The following DNAH1 variants were observed in gnomAD, a reference collection of about 807,000 sequenced individuals.
DNAH1 encodes the protein axonemal beta dynein heavy chain 1.
A neutral mutation model predicts 484.3 loss-of-function variants in DNAH1; 327 were observed. The observed-to-expected ratio is 0.68, with a 90% CI of 0.62 to 0.74. DNAH1 has a LOEUF of 0.74. Ranked by LOEUF, DNAH1 falls within the 30% of genes least tolerant of loss-of-function variation. The pLI, the probability that DNAH1 is intolerant of heterozygous loss-of-function variation, is 0.00. For synonymous variants in DNAH1, 2,192 were observed against 2,191.9 expected, an observed-to-expected ratio of 1.00 and a Z score of 0.00; for missense variants, 5,052 against 5,546.8, an observed-to-expected ratio of 0.91 and a Z score of 2.83.
At chr3:52,344,820 C>T (rs1287316115) in intron 9 of DNAH1, among the ~76,000 whole-genome samples, 173 bp downstream of exon 9, 1 of 152,246 alleles carries the variant, frequency 6.6e-6, no homozygotes, top group African/African-American at 2.4e-5. Context: ...GCCTGGAGGG[C>T]TCTGGACCAG....
At chr3:52,383,362 C>G in intron 50 of DNAH1, 24 bp from the exon 51 acceptor site, 1 of 1,607,692 alleles carries the variant, frequency 6.2e-7, no homozygotes, top group Non-Finnish European at 8.5e-7. Flanking sequence ...GGGCTTAGCT[C>G]CCCACTCCTT....
chr3:52,369,005 AC>A lies in DNAH1; in HGVS notation c.5943+91del. ...CATGCTGGCCAAACTCTGCCCCCTC[AC>A]CCCTTTCTCTCAGGGCCATGGGTCC... On this transcript the variant is annotated intron_variant, in intron 37 of 77. Transcript: ENST00000420323. 2.1e-6 allele frequency: 3 copies of A among 1,462,330 alleles called. No individual in the cohort carries two copies. In the South Asian group the frequency reaches 3.8e-5, roughly 18 times the overall value. 90.6% of individuals were successfully genotyped at this position (1,462,330 alleles called of 1,614,324 possible).
chr3:52,331,102 G>A, intron 6 of DNAH1, 46 bp from the exon 7 acceptor site: 2 of 1,549,520 alleles, frequency 1.3e-6, no homozygotes. Flanking sequence ...GCCCCTTCCT[G>A]CCCCCATGGC....
rs766217099 is a variant in DNAH1 at position 52,370,534 on chromosome 3, T to A, written c.6316T>A (p.Trp2106Arg). ...TCGCATCGTAGAGTTGATCGAGCCC[T>A]GGTTCATCTTCTCCCTGATCTGGAG... is the stretch of plus-strand genomic sequence containing the variant. ...LSRIVELIEP[W>R]FIFSLIWSVG... Residue 2106 changes from tryptophan (W) to arginine (R), a missense_variant, in exon 40 of 78, where the codon TGG becomes AGG. This residue lies in a region of DNAH1 where 2,929 missense variants were observed against 3,409.4 expected (regional missense o/e 0.86). Transcript: ENST00000420323. The A allele has an allele frequency of 6.2e-7, 1 of 1,614,014 alleles. No homozygotes were observed. The highest frequency in any genetic ancestry group is 1.7e-5 in the Admixed American group (1 of 60,022).
chr3:52,359,814 G>A, intron 26 of DNAH1, 102 bp from the exon 27 acceptor site: 3 of 1,480,494 alleles, frequency 2.0e-6, no homozygotes, highest in Non-Finnish European at 2.8e-6. Context: ...GAGACCCCCA[G>A]GATAGAGGGA....
At position 52,399,166 on chromosome 3, in the gene DNAH1, G is replaced by A; in HGVS notation, c.12406G>A (p.Val4136Ile). ...TCTGCAGAATTTTGCCCGCAAATTT[G>A]TCATCTCCATTGACACCATCTCCTT... ...GTLQNFARKF[V>I]ISIDTISFDF... The change falls in exon 76 of 78, where the codon GTC (valine) becomes ATC (isoleucine). Residue 4136 changes from valine (V) to isoleucine (I), a missense_variant. Val to Ile is a conservative substitution (Grantham distance 29, BLOSUM62 3). This residue lies in a region of DNAH1 where 853 missense variants were observed against 899.0 expected (regional missense o/e 0.95). Coordinates refer to ENST00000420323, the MANE Select transcript of DNAH1 (RefSeq NM_015512.5). The A allele has an allele frequency of 1.9e-6, 3 of 1,613,282 alleles. No homozygotes were observed. Among genetic ancestry groups the A allele is most frequent in the Non-Finnish European group, 2.5e-6 (3 of 1,179,432 alleles).
intron 77 of DNAH1, 140 bp from the exon 78 acceptor site, chr3:52,400,185 C>T (rs1704846245): frequency 8.6e-7 from 1 of 1,169,552 alleles, no homozygotes; most frequent in East Asian, 2.4e-5. Context: ...TGGCCAGACC[C>T]CCTCATCAGG....
upstream of DNAH1, among the ~76,000 whole-genome samples, chr3:52,315,598 C>T (rs1003292897): frequency 1.3e-5 from 2 of 152,200 alleles, no homozygotes; most frequent in African/African-American, 4.8e-5. Flanking sequence ...CAGTGACTCC[C>T]CAACTCTTGT....
chr3:52,361,499 G>GGGGGCATT lies in DNAH1; in HGVS notation c.4874+152_4875-150dup. ...GTAATAGGCATCACGGCTTGGTCCT[G>GGGGGCATT]GGGGCATTGGGGTGGGGAGTGGCAG... On this transcript the variant is annotated intron_variant, in intron 29 of 77. Coordinates refer to ENST00000420323, the MANE Select transcript of DNAH1 (RefSeq NM_015512.5). The surrounding 1 kb of genome is among the most constrained non-coding windows in gnomAD (Gnocchi z 5.6). 1 of 1,249,378 alleles carries GGGGGCATT rather than the reference G, an allele frequency of 8.0e-7. No individual in the cohort carries two copies. The highest frequency in any genetic ancestry group is 1.1e-6 in the Non-Finnish European group (1 of 900,824). The allele number at this position is 1,249,378 out of a possible 1,614,324, so 77.4% of individuals were successfully genotyped here.
chr3:52,393,566 A>G (rs1320315785), intron 66 of DNAH1, 81 bp downstream of exon 66: 2 of 1,577,416 alleles, frequency 1.3e-6, no homozygotes, highest in African/African-American at 1.3e-5. Flanking sequence ...AAGGAAAGGG[A>G]AAGCCAGGCA....
In DNAH1 at chr3:52,345,713, G is replaced by T. The variant is rs1020985531; in HGVS notation, c.1656+7G>T. On this transcript the variant is annotated splice_region_variant and intron_variant, in intron 10 of 77. Coordinates refer to ENST00000420323, the MANE Select transcript of DNAH1 (RefSeq NM_015512.5). The stretch of plus-strand genomic sequence containing the variant: ...GTCACAGACCTTCTCCCAGGTTTGT[G>T]GGCATCAAGGGCACAGGGGGCAAAC... 11 of 1,608,812 alleles carry T rather than the reference G, an allele frequency of 6.8e-6. No homozygotes were observed. Among genetic ancestry groups the T allele is most frequent in the Non-Finnish European group, 9.3e-6 (11 of 1,177,536 alleles).
Position 52,389,595 on chromosome 3 carries a change from C to A in DNAH1, c.9621+9C>A. On this transcript the variant is annotated intron_variant, in intron 60 of 77. Coordinates refer to ENST00000420323, the MANE Select transcript of DNAH1 (RefSeq NM_015512.5). ...AGATCCGATCGTGGCAGGTGCCCACCCCAGGGGCAGGAGTGCCCAGGCAGG... is the reference window on the plus strand; with the variant it reads ...AGATCCGATCGTGGCAGGTGCCCACACCAGGGGCAGGAGTGCCCAGGCAGG... The A allele has an allele frequency of 6.8e-7, 1 of 1,461,170 alleles. No individual in the cohort carries two copies. Among genetic ancestry groups the A allele is most frequent in the Non-Finnish European group, 9.1e-7 (1 of 1,104,338 alleles). The allele number at this position is 1,461,170 out of a possible 1,614,324, so 90.5% of individuals were successfully genotyped here. A position where few individuals can be genotyped will look rare whatever the true frequency, so the allele number is the denominator to read the frequency against.
In DNAH1 at chr3:52,339,960, C is replaced by T. The variant is rs763023923; in HGVS notation, c.1287-4530C>T. On this transcript the variant is annotated intron_variant, in intron 8 of 77. Transcript: ENST00000420323. Reference sequence around the variant, plus strand: ...CTACAAATGACCCCTTTCCTTCTGCCTCCTGTCCCATAAGTCATATGCCTT... The same window carrying T: ...CTACAAATGACCCCTTTCCTTCTGCTTCCTGTCCCATAAGTCATATGCCTT... Among the ~76,000 whole-genome samples the T allele has an allele frequency of 8.5e-5, 13 of 152,252 alleles. No individual in the cohort carries two copies. The East Asian group carries it at 1.3e-3, about 16-fold the overall frequency.
At chr3:52,329,826 A>G (rs572177043) in intron 6 of DNAH1, among the ~76,000 whole-genome samples, 6 of 140,890 alleles carry the variant, frequency 4.3e-5, no homozygotes, top group Admixed American at 1.4e-4. Flanking sequence ...CTCCATCTGG[A>G]AAAAAAAAAA....
chr3:52,340,064 T>C (rs920840418), intron 8 of DNAH1, among the ~76,000 whole-genome samples: 1 of 152,170 alleles, frequency 6.6e-6, no homozygotes, highest in African/African-American at 2.4e-5. Flanking sequence ...AGGGCTTTTT[T>C]TCAGTATTTT....
chr3:52,393,044 G>C lies in DNAH1; in HGVS notation c.10474+19G>C. The stretch of plus-strand genomic sequence containing the variant: ...AGAGCAGGTAGCACCGGCATGCCAG[G>C]CTCCTACCCTGCACAGATATGACCC... On this transcript the variant is annotated intron_variant, in intron 65 of 77. Transcript: ENST00000420323. The C allele has an allele frequency of 3.7e-6, 6 of 1,610,862 alleles. No individual in the cohort carries two copies. Among genetic ancestry groups the C allele is most frequent in the Non-Finnish European group, 4.2e-6 (5 of 1,177,898 alleles).
intron 6 of DNAH1, among the ~76,000 whole-genome samples, chr3:52,329,334 C>T (rs1701458507): frequency 6.6e-6 from 1 of 152,032 alleles, no homozygotes; most frequent in African/African-American, 2.4e-5. Flanking sequence ...CTGAGTTGAG[C>T]CGAGACAAGG....
intron 8 of DNAH1, among the ~76,000 whole-genome samples, chr3:52,333,391 C>T (rs1406896682): frequency 1.5e-5 from 2 of 137,534 alleles, no homozygotes; most frequent in Non-Finnish European, 1.6e-5. Flanking sequence ...TTCTTTCTTT[C>T]TTTTTTTTTT....
In DNAH1 at chr3:52,318,883, A is replaced by G. The variant is rs146416034; in HGVS notation, c.-35+2338A>G. 7.6e-4 allele frequency among the ~76,000 whole-genome samples: 116 copies of G among 152,364 alleles called. 3 individuals carry two copies. The East Asian group carries it at 0.022, about 28-fold the overall frequency. On this transcript the variant is annotated intron_variant, in intron 1 of 77. Transcript: ENST00000420323. ...CGCAGATCCATTTGTCTGCTTATGC[A>G]GAACCCCGGGGTGTGAAATGGATAA...
Sources: allele counts gnomAD v4.1 joint callset (sites outside exome capture counted in the v4.1 genomes callset), GRCh38; gene constraint gnomAD v4.1.1; regional missense constraint gnomAD v4.1.1; non-coding constraint Gnocchi (gnomAD v3.1); transcripts MANE v1.5; gene names NCBI Gene and HGNC (gene_info 2026-07-23, HGNC 2026-07-21).